TMEM41B: variants seen among roughly 807,000 people sequenced by gnomAD.
TMEM41B encodes the protein transmembrane protein 41B, also known as protein stasimon.
In TMEM41B, 18 loss-of-function variants were observed where a neutral mutation model predicts 31.9. The ratio of observed to expected loss-of-function variants is 0.56; its 90% CI spans 0.39 to 0.84. TMEM41B has a LOEUF of 0.84. Ranked by LOEUF, TMEM41B falls within the 40% of genes least tolerant of loss-of-function variation. TMEM41B has a pLI of 0.00. For missense variants in TMEM41B, 322 were observed against 348.0 expected, an observed-to-expected ratio of 0.93 and a Z score of 0.59; for synonymous variants, 144 against 124.3, an observed-to-expected ratio of 1.16 and a Z score of -1.05.
chr11:9,303,650 CTTTTTTTT>C (rs71062827), intron 1 of TMEM41B, among the ~76,000 whole-genome samples: 1 of 104,812 alleles, frequency 9.5e-6, no homozygotes, highest in Non-Finnish European at 1.9e-5. Context: ...TATTCTTTTT[CTTTTTTTT>C]TTTTTTTTTT....
chr11:9,285,829 A>AAC (rs1204697718), intron 6 of TMEM41B, among the ~76,000 whole-genome samples: 1 of 151,578 alleles, frequency 6.6e-6, no homozygotes, highest in Non-Finnish European at 1.5e-5. Flanking sequence ...AAAAAAAAAA[A>AAC]GAAAGGGCTG....
intron 3 of TMEM41B, among the ~76,000 whole-genome samples, chr11:9,293,209 C>G (rs147156411): frequency 1.3e-5 from 2 of 151,782 alleles, no homozygotes; most frequent in African/African-American, 2.4e-5. Context: ...CTCAGGTGAT[C>G]TTCCCACCTC....
At chr11:9,294,858 C>G (rs1853046936) in intron 3 of TMEM41B, among the ~76,000 whole-genome samples, 1 of 151,870 alleles carries the variant, frequency 6.6e-6, no homozygotes, top group Admixed American at 6.6e-5. Context: ...AAATTAACAA[C>G]AAATTATACC....
rs1024349403 is a variant in TMEM41B at position 9,283,187 on chromosome 11, A to C, written c.*237T>G. 2 of 325,824 alleles carry C rather than the reference A, an allele frequency of 6.1e-6. No individual in the cohort carries two copies. Among genetic ancestry groups the C allele is most frequent in the African/African-American group, 4.3e-5 (2 of 46,434 alleles). 20.2% of individuals were successfully genotyped at this position (325,824 alleles called of 1,614,324 possible). On this transcript the variant is annotated 3_prime_UTR_variant, in exon 7 of 7. Transcript: ENST00000528080. ...AGCTACCCTTGGTATAATAATTTAT[A>C]AGATGTCTAAGATGTCTACCTTAAC... is the stretch of plus-strand genomic sequence containing the variant.
At chr11:9,299,298 A>AAG (rs1853181516) in intron 2 of TMEM41B, among the ~76,000 whole-genome samples, 1 of 125,934 alleles carries the variant, frequency 7.9e-6, no homozygotes, top group Non-Finnish European at 1.7e-5. Flanking sequence ...AAAAAAAAAA[A>AAG]AAAAAAAGAA....
intron 2 of TMEM41B, among the ~76,000 whole-genome samples, chr11:9,298,289 T>C (rs867207471): frequency 4.0e-4 from 56 of 140,672 alleles, no homozygotes; most frequent in African/African-American, 1.4e-3. Flanking sequence ...CAAAACCGCA[T>C]CTCTACTAAA....
intron 1 of TMEM41B, among the ~76,000 whole-genome samples, chr11:9,305,383 G>A (rs1853363855): frequency 6.6e-6 from 1 of 152,112 alleles, no homozygotes; most frequent in Admixed American, 6.6e-5. Flanking sequence ...CAGATTGCCT[G>A]AGGTCAAGGG....
intron 1 of TMEM41B, among the ~76,000 whole-genome samples, chr11:9,303,910 C>T (rs976552941): frequency 6.6e-6 from 1 of 152,048 alleles, no homozygotes; most frequent in Non-Finnish European, 1.5e-5. Flanking sequence ...TCAGGTGATC[C>T]GCCCACTTTG....
At chr11:9,304,366 T>TA (rs1297781438) in intron 1 of TMEM41B, among the ~76,000 whole-genome samples, 1 of 152,134 alleles carries the variant, frequency 6.6e-6, no homozygotes, top group Non-Finnish European at 1.5e-5. Flanking sequence ...TTATATTCTC[T>TA]AAAAAAAGAA....
At chr11:9,295,187 T>TA in intron 3 of TMEM41B, 72 bp downstream of exon 3, 1 of 1,332,308 alleles carries the variant, frequency 7.5e-7, no homozygotes, top group Non-Finnish European at 9.9e-7. Context: ...TAGTTATGTA[T>TA]AAATGAAGAG....
chr11:9,300,132 C>A (rs572770939), intron 1 of TMEM41B, among the ~76,000 whole-genome samples: 4 of 152,090 alleles, frequency 2.6e-5, no homozygotes, highest in Non-Finnish European at 4.4e-5. Flanking sequence ...AAAATAAAAA[C>A]AATAATTAAT....
At chr11:9,299,325 T>TACAC (rs139794462) in intron 2 of TMEM41B, among the ~76,000 whole-genome samples, 5,207 of 123,020 alleles carry the variant, frequency 0.042, 182 homozygotes, top group East Asian at 0.07. Flanking sequence ...TATACATACA[T>TACAC]ACACACACAC....
At chr11:9,284,105 G>C (rs10840198) in intron 6 of TMEM41B, among the ~76,000 whole-genome samples, 148,780 of 152,114 alleles carry the variant, frequency 0.98, 72,838 homozygotes, top group East Asian at 1. Context: ...TTTTAAAAAC[G>C]CAAGAAAAGG....
At chr11:9,311,952 T>C (rs1295571328) in intron 1 of TMEM41B, among the ~76,000 whole-genome samples, 5 of 152,172 alleles carry the variant, frequency 3.3e-5, no homozygotes, top group Non-Finnish European at 2.9e-5. Context: ...AGTTCAAACA[T>C]ACATATGATG....
At chr11:9,291,893 A>G (rs540580181) in intron 3 of TMEM41B, among the ~76,000 whole-genome samples, 2 of 151,946 alleles carry the variant, frequency 1.3e-5, no homozygotes, top group East Asian at 3.9e-4. Context: ...TTTTTAGTAG[A>G]GACAGGGTTT....
chr11:9,301,170 C>T (rs976278743), intron 1 of TMEM41B, among the ~76,000 whole-genome samples: 1 of 152,022 alleles, frequency 6.6e-6, no homozygotes, highest in Middle Eastern at 3.4e-3. Flanking sequence ...CCGAGGTGGG[C>T]GGATCACAAG....
intron 1 of TMEM41B, among the ~76,000 whole-genome samples, chr11:9,303,523 CTAAATA>C (rs1293740256): frequency 6.6e-6 from 1 of 151,962 alleles, no homozygotes; most frequent in Non-Finnish European, 1.5e-5. Flanking sequence ...TTTGATAATA[CTAAATA>C]TAAATTATTC....
intron 2 of TMEM41B, among the ~76,000 whole-genome samples, chr11:9,297,484 G>C (rs2133627646): frequency 6.6e-6 from 1 of 152,226 alleles, no homozygotes; most frequent in East Asian, 2.0e-4. Context: ...ACGAGGTCAG[G>C]AGTTCAAGAT....
At chr11:9,299,510 A>T in intron 2 of TMEM41B, 74 bp downstream of exon 2, 1 of 1,011,320 alleles carries the variant, frequency 9.9e-7, no homozygotes, top group Non-Finnish European at 1.5e-6. Context: ...GGCATCAGCT[A>T]CTGCACTTGG....
Sources: gnomAD v4.1 joint callset for allele counts (sites outside exome capture counted in the v4.1 genomes callset) on GRCh38, gnomAD v4.1.1 for gene constraint, MANE v1.5 for transcripts, NCBI Gene and HGNC (gene_info 2026-07-23, HGNC 2026-07-21) for gene names.